RFX4: variants seen among roughly 807,000 people sequenced by gnomAD.
The protein encoded by RFX4 is regulatory factor X4.
In RFX4, 10 loss-of-function variants were observed where a neutral mutation model predicts 95.0. That is an observed-to-expected ratio of 0.11 (90% CI 0.06 to 0.18). The LOEUF is 0.18. Ranked by LOEUF, RFX4 falls within the 10% of genes least tolerant of loss-of-function variation. The pLI is 1.00. For missense variants in RFX4, 640 were observed against 922.0 expected, an observed-to-expected ratio of 0.69 and a Z score of 3.96; for synonymous variants, 321 against 340.7, an observed-to-expected ratio of 0.94 and a Z score of 0.64.
At chr12:106,625,302 G>T (rs189353504) in intron 2 of RFX4, among the ~76,000 whole-genome samples, 1 of 152,190 alleles carries the variant, frequency 6.6e-6, no homozygotes, top group East Asian at 1.9e-4. Flanking sequence ...GTAAGCGTGA[G>T]GAAATGTGAT....
chr12:106,744,101 G>C (rs2042852632), intron 15 of RFX4, among the ~76,000 whole-genome samples: 1 of 152,170 alleles, frequency 6.6e-6, no homozygotes, highest in Admixed American at 6.5e-5. Context: ...AACTGTAACA[G>C]TAATATAATT....
intron 4 of RFX4, 85 bp downstream of exon 4, chr12:106,654,436 T>C: frequency 6.8e-7 from 1 of 1,463,094 alleles, no homozygotes; most frequent in Non-Finnish European, 9.1e-7. Context: ...TTTAGTTATT[T>C]TTTTTAAGTT....
At chr12:106,673,383 G>A (rs2137374276) in intron 4 of RFX4, among the ~76,000 whole-genome samples, 1 of 152,256 alleles carries the variant, frequency 6.6e-6, no homozygotes, top group South Asian at 2.1e-4. Context: ...TCCCACTTCC[G>A]GCTGGTGAAG....
intron 14 of RFX4, 91 bp from the exon 15 acceptor site, chr12:106,732,833 C>T (rs1371006155): frequency 7.8e-7 from 1 of 1,286,698 alleles, no homozygotes; most frequent in Non-Finnish European, 1.1e-6. Context: ...TGACATCACA[C>T]AGATTAGAAT....
intron 2 of RFX4, among the ~76,000 whole-genome samples, chr12:106,627,759 C>T (rs1007492217): frequency 6.6e-6 from 1 of 152,150 alleles, no homozygotes; most frequent in African/African-American, 2.4e-5. Context: ...ACTGCTCGGC[C>T]TTATCTGTTG....
At chr12:106,628,762 C>CTT (rs397850563) in intron 2 of RFX4, among the ~76,000 whole-genome samples, 16,541 of 133,150 alleles carry the variant, frequency 0.12, 1,248 homozygotes, top group African/African-American at 0.15. Context: ...ATATATGTTC[C>CTT]TTTTTTTTTT....
intron 1 of RFX4, among the ~76,000 whole-genome samples, chr12:106,604,195 A>C (rs563733901): frequency 7.1e-6 from 1 of 140,130 alleles, no homozygotes; most frequent in Non-Finnish European, 1.5e-5. Flanking sequence ...ATCTCGGCTC[A>C]CTGCAACCTC....
intron 1 of RFX4, among the ~76,000 whole-genome samples, chr12:106,604,884 C>T (rs2039793330): frequency 6.6e-6 from 1 of 152,172 alleles, no homozygotes; most frequent in Non-Finnish European, 1.5e-5. Context: ...GCACATTGTT[C>T]TGGGGACTAA....
chr12:106,639,429 G>A (rs745733704), intron 3 of RFX4, 37 bp downstream of exon 3: 15 of 1,579,030 alleles, frequency 9.5e-6, no homozygotes, highest in Non-Finnish European at 1.3e-5. Flanking sequence ...GTCTTCAGAG[G>A]ATGCTCATAT....
At chr12:106,750,519 G>A in intron 16 of RFX4, 136 bp from the exon 17 acceptor site, 1 of 791,410 alleles carries the variant, frequency 1.3e-6, no homozygotes, top group East Asian at 3.0e-5. Context: ...AAATGGGATT[G>A]GGGGTGAAGG....
intron 17 of RFX4, among the ~76,000 whole-genome samples, chr12:106,755,805 T>A (rs1165009688): frequency 6.6e-6 from 1 of 152,212 alleles, no homozygotes; most frequent in Non-Finnish European, 1.5e-5. Flanking sequence ...ACAGTCTGAA[T>A]TGGAAGACAA....
intron 11 of RFX4, among the ~76,000 whole-genome samples, chr12:106,716,310 C>A (rs754153565): frequency 1.1e-4 from 16 of 152,046 alleles, no homozygotes; most frequent in Non-Finnish European, 2.2e-4. Context: ...CATGCATTCC[C>A]ATGTTCTCAA....
intron 17 of RFX4, among the ~76,000 whole-genome samples, chr12:106,757,059 T>C (rs996720540): frequency 2.6e-4 from 40 of 152,220 alleles, no homozygotes; most frequent in African/African-American, 9.7e-4. Context: ...ACCTTAATTA[T>C]TTCATCTGTA....
intron 15 of RFX4, among the ~76,000 whole-genome samples, chr12:106,735,247 G>A (rs1437158743): frequency 2.6e-5 from 4 of 152,046 alleles, no homozygotes; most frequent in African/African-American, 9.7e-5. Flanking sequence ...CTCTGATAAT[G>A]TGGCAAAAAG....
chr12:106,722,253 T>C (rs1412335360), intron 13 of RFX4, among the ~76,000 whole-genome samples: 1 of 152,236 alleles, frequency 6.6e-6, no homozygotes, highest in East Asian at 1.9e-4. Context: ...TGCTTCCAAG[T>C]CAGAGAATCA....
At chr12:106,752,122 T>C (rs2043018532) in intron 17 of RFX4, among the ~76,000 whole-genome samples, 2 of 151,530 alleles carry the variant, frequency 1.3e-5, no homozygotes, top group South Asian at 2.1e-4. Flanking sequence ...GTATAAGGCG[T>C]AAGGAAGGGA....
chr12:106,698,952 T>C (rs997708793), intron 8 of RFX4, among the ~76,000 whole-genome samples: 1 of 152,062 alleles, frequency 6.6e-6, no homozygotes, highest in African/African-American at 2.4e-5. Flanking sequence ...GTGCTTGCTT[T>C]GGGTTTATTT....
Position 106,748,520 on chromosome 12 carries a change from T to A in RFX4, c.1796+921T>A, listed in dbSNP as rs190096666. Reference sequence around the variant, plus strand: ...AATACGTGGAGTGATGTTGCTGTGATGAATGAACTACAAATCCATACAAAA... The same window carrying A: ...AATACGTGGAGTGATGTTGCTGTGAAGAATGAACTACAAATCCATACAAAA... On this transcript the variant is annotated intron_variant, in intron 16 of 17. Coordinates refer to ENST00000392842, the MANE Select transcript of RFX4 (RefSeq NM_213594.3). 2.8e-3 allele frequency among the ~76,000 whole-genome samples: 429 copies of A among 152,358 alleles called. 1 individual carries two copies. Among genetic ancestry groups the A allele is most frequent in the African/African-American group, 9.5e-3 (394 of 41,580 alleles).
chr12:106,716,535 A>T (rs1346806659), intron 11 of RFX4, among the ~76,000 whole-genome samples: 2 of 151,990 alleles, frequency 1.3e-5, no homozygotes, highest in African/African-American at 4.8e-5. Flanking sequence ...CCTATTAGAG[A>T]TCTCTTTCCC....
Sources: gnomAD v4.1 joint callset for allele counts (sites outside exome capture counted in the v4.1 genomes callset) on GRCh38, gnomAD v4.1.1 for gene constraint, MANE v1.5 for transcripts, NCBI Gene and HGNC (gene_info 2026-07-23, HGNC 2026-07-21) for gene names.